TAFA5: variants seen among roughly 807,000 people sequenced by gnomAD.
The protein encoded by TAFA5 is TAFA chemokine like family member 5, also known as chemokine-like protein TAFA-5.
A neutral mutation model predicts 15.3 loss-of-function variants in TAFA5; 6 were observed. The observed-to-expected ratio is 0.39, with a 90% confidence interval of 0.21 to 0.77. The LOEUF (loss-of-function observed/expected upper bound fraction) is 0.77, where lower values mean the gene tolerates loss of function less well. Among genes scored for constraint, TAFA5 ranks in the 30% least tolerant of loss-of-function variants. The pLI is 0.41. For synonymous variants in TAFA5, 103 were observed against 80.7 expected (o/e 1.28, Z -1.48); for missense variants, 161 against 193.1 (o/e 0.83, Z 0.98).
intron 3 of TAFA5, among the ~76,000 whole-genome samples, chr22:48,708,421 G>A (rs1232871445): frequency 6.6e-6 from 1 of 152,198 alleles, no homozygotes; most frequent in African/African-American, 2.4e-5. Flanking sequence ...CGGCTGACCT[G>A]GGTCTCTAGA....
At chr22:48,574,175 C>T (rs146773571) in intron 1 of TAFA5, among the ~76,000 whole-genome samples, 1,710 of 152,298 alleles carry the variant, frequency 0.011, 35 homozygotes, top group African/African-American at 0.039. Context: ...AATGGCTAGT[C>T]CCTCCCAGGG....
At chr22:48,729,661 A>G (rs969453542) in intron 3 of TAFA5, among the ~76,000 whole-genome samples, 1 of 143,846 alleles carries the variant, frequency 7.0e-6, no homozygotes, top group African/African-American at 2.7e-5. Flanking sequence ...TATATAAAAT[A>G]TAAATAAATA....
chr22:48,513,534 G>C (rs897771509), intron 1 of TAFA5, among the ~76,000 whole-genome samples: 1 of 152,210 alleles, frequency 6.6e-6, no homozygotes, highest in Non-Finnish European at 1.5e-5. Context: ...AGTGTGACCA[G>C]ACCCATTTCA....
At chr22:48,732,470 A>G (rs545922720) in intron 3 of TAFA5, among the ~76,000 whole-genome samples, 1 of 152,142 alleles carries the variant, frequency 6.6e-6, no homozygotes, top group East Asian at 1.9e-4. Context: ...GTTAGCCAGG[A>G]TGGTCTCGAT....
At chr22:48,526,885 A>G (rs1450193195) in intron 1 of TAFA5, among the ~76,000 whole-genome samples, 4 of 152,234 alleles carry the variant, frequency 2.6e-5, no homozygotes, top group Non-Finnish European at 5.9e-5. Context: ...ATTAGAAAGA[A>G]TTAACAATGA....
chr22:48,654,070 C>T (rs1288628400), intron 2 of TAFA5, among the ~76,000 whole-genome samples: 7 of 151,892 alleles, frequency 4.6e-5, no homozygotes, highest in South Asian at 4.2e-4. Context: ...CACGTCGGCA[C>T]GGTGGCTCTG....
intron 1 of TAFA5, among the ~76,000 whole-genome samples, chr22:48,507,561 G>A (rs144092070): frequency 8.5e-4 from 129 of 152,330 alleles, no homozygotes; most frequent in African/African-American, 2.8e-3. Flanking sequence ...TGCCCAGCAC[G>A]CCTCCCCAGA....
At position 48,607,262 on chromosome 22, in the gene TAFA5, A is replaced by T. The variant is rs568219491; in HGVS notation, c.113-39335A>T. Among the ~76,000 whole-genome samples, 3 of 144,664 alleles carry T rather than the reference A, an allele frequency of 2.1e-5. 1 individual carries two copies. The highest frequency in any genetic ancestry group is 7.9e-5 in the African/African-American group (3 of 38,122). The allele number at this position is 144,664 out of a possible 152,430, so 94.9% of individuals were successfully genotyped here. On this transcript the variant is annotated intron_variant, in intron 1 of 3. Transcript: ENST00000402357. ...GGTTCTGATTAGGCCTGGCCCACCC[A>T]TCCCAGGTACCTCAGCCTGGAGCAG...
intron 1 of TAFA5, among the ~76,000 whole-genome samples, chr22:48,492,667 G>T (rs746496840): frequency 6.6e-6 from 1 of 152,176 alleles, no homozygotes; most frequent in African/African-American, 2.4e-5. Flanking sequence ...GACGCAAACA[G>T]GGGAAAGGGG....
intron 2 of TAFA5, among the ~76,000 whole-genome samples, chr22:48,701,697 C>T (rs1018209889): frequency 3.3e-5 from 5 of 152,304 alleles, no homozygotes; most frequent in Non-Finnish European, 5.9e-5. Context: ...AGCCAGGCCC[C>T]GCCCACATCT....
intron 1 of TAFA5, among the ~76,000 whole-genome samples, chr22:48,527,348 T>G (rs1236729536): frequency 2.6e-5 from 4 of 152,250 alleles, no homozygotes; most frequent in Non-Finnish European, 5.9e-5. Context: ...CTGGTACTCC[T>G]GTGTTTCTGA....
At chr22:48,614,164 C>T (rs779962724) in intron 1 of TAFA5, among the ~76,000 whole-genome samples, 7 of 152,188 alleles carry the variant, frequency 4.6e-5, no homozygotes, top group African/African-American at 1.2e-4. Flanking sequence ...GGCCCCCAGG[C>T]GCCCTCTCCT....
chr22:48,607,780 G>A (rs1354917080), intron 1 of TAFA5, among the ~76,000 whole-genome samples: 1 of 152,136 alleles, frequency 6.6e-6, no homozygotes, highest in Non-Finnish European at 1.5e-5. Context: ...CAGACCCAAA[G>A]GAGAGTGGTC....
chr22:48,700,121 C>T (rs1928857785), intron 2 of TAFA5, among the ~76,000 whole-genome samples: 1 of 152,212 alleles, frequency 6.6e-6, no homozygotes, highest in African/African-American at 2.4e-5. Context: ...CTCCAGATCA[C>T]ACTTAAGACT....
intron 2 of TAFA5, among the ~76,000 whole-genome samples, chr22:48,684,220 T>G (rs1928284782): frequency 6.6e-6 from 1 of 152,120 alleles, no homozygotes; most frequent in Non-Finnish European, 1.5e-5. Context: ...CTGCCGTCCC[T>G]CAGCCCTTCC....
intron 2 of TAFA5, among the ~76,000 whole-genome samples, chr22:48,660,956 T>C (rs1378978932): frequency 6.6e-6 from 1 of 150,798 alleles, no homozygotes; most frequent in Non-Finnish European, 1.5e-5. Context: ...GGGTCGTGTC[T>C]CTTCGGGGGA....
chr22:48,666,534 G>C (rs1414932558), intron 2 of TAFA5, among the ~76,000 whole-genome samples: 46 of 151,578 alleles, frequency 3.0e-4, no homozygotes, highest in South Asian at 1.3e-3. Flanking sequence ...CCGTGACCAG[G>C]CAATACTGAG....
chr22:48,491,206 C>T (rs1928141681), intron 1 of TAFA5, among the ~76,000 whole-genome samples: 1 of 152,170 alleles, frequency 6.6e-6, no homozygotes, highest in African/African-American at 2.4e-5. Context: ...TTTGTGCCTG[C>T]CCCCGAGTTT....
In TAFA5 at chr22:48,489,728, C is replaced by A; in HGVS notation, c.112+24C>A. ...CAGTGAGTACCGCGCGGCCCCGGCC[C>A]CGGCACGGCCCTCTGGGCCCCGGAC... On this transcript the variant is annotated intron_variant, in intron 1 of 3. Transcript: ENST00000402357. The surrounding 1 kb of genome is among the most constrained non-coding windows in gnomAD (Gnocchi z 5.5). The A allele has an allele frequency of 7.3e-7, 1 of 1,376,394 alleles. No homozygotes were observed. The highest frequency in any genetic ancestry group is 9.6e-7 in the Non-Finnish European group (1 of 1,043,400). The allele number at this position is 1,376,394 out of a possible 1,614,324, so 85.3% of individuals were successfully genotyped here. A position where few individuals can be genotyped will look rare whatever the true frequency, so the allele number is the denominator to read the frequency against.
Sources: gnomAD v4.1 joint callset for allele counts (sites outside exome capture counted in the v4.1 genomes callset) on GRCh38, gnomAD v4.1.1 for gene constraint, Gnocchi (gnomAD v3.1) non-coding constraint, MANE v1.5 for transcripts, NCBI Gene and HGNC (gene_info 2026-07-23, HGNC 2026-07-21) for gene names.